Variants in PDE1C observed in about 807,000 individuals in gnomAD.
The protein encoded by PDE1C is dual specificity calcium/calmodulin-dependent 3',5'-cyclic nucleotide phosphodiesterase 1C.
In PDE1C, 62 loss-of-function variants were observed where a neutral mutation model predicts 93.1. The ratio of observed to expected loss-of-function variants is 0.67; its 90% confidence interval spans 0.54 to 0.82. The LOEUF is 0.82. PDE1C is among the 40% of genes least tolerant of loss of function. The pLI, the probability that PDE1C is intolerant of heterozygous loss-of-function variation, is 0.00. For missense variants in PDE1C, 742 were observed against 884.6 expected, an observed-to-expected ratio of 0.84 and a Z score of 2.04; for synonymous variants, 325 against 310.1, an observed-to-expected ratio of 1.05 and a Z score of -0.50.
intron 12 of PDE1C, among the ~76,000 whole-genome samples, chr7:31,827,703 A>ACTTAGATAGGGC (rs1251209880): frequency 6.6e-6 from 1 of 152,108 alleles, no homozygotes; most frequent in Non-Finnish European, 1.5e-5. Flanking sequence ...ACAACATTTA[A>ACTTAGATAGGGC]CTTAGATAGG....
intron 16 of PDE1C, chr7:31,788,052 T>C (rs1416690764): frequency 6.6e-6 from 1 of 152,236 alleles, no homozygotes; most frequent in Non-Finnish European, 1.5e-5. Context: ...TTCTATTCTT[T>C]TTCAGCTGAT....
intron 2 of PDE1C, among the ~76,000 whole-genome samples, chr7:31,944,316 G>T (rs73308694): frequency 0.13 from 20,383 of 152,148 alleles, 2,834 homozygotes; most frequent in African/African-American, 0.36. Context: ...TTGAACACCC[G>T]CAATCCTGAG....
At chr7:31,958,148 TG>T (rs1808417235) in intron 2 of PDE1C, among the ~76,000 whole-genome samples, 1 of 152,228 alleles carries the variant, frequency 6.6e-6, no homozygotes, top group Non-Finnish European at 1.5e-5. Flanking sequence ...CTTTCATTCA[TG>T]CTAGTGCCAA....
Position 31,753,345 on chromosome 7 carries a change from G to C in PDE1C, c.*39C>G, listed in dbSNP as rs1250670851. On this transcript the variant is annotated 3_prime_UTR_variant, in exon 18 of 18. Transcript: ENST00000396191. ...GCCAGTGGGTGCTGAGAAGCAGATA[G>C]GTAGACCCTCCTTCACTCCCTCTCT... 1.9e-6 allele frequency: 3 copies of C among 1,592,334 alleles called. No individual in the cohort carries two copies.
In PDE1C at chr7:31,760,480, T is replaced by TGTGC. The variant is rs1228164075; in HGVS notation, c.1961-6928_1961-6927insGCAC. Among the ~76,000 whole-genome samples the TGTGC allele has an allele frequency of 7.9e-5, 12 of 152,278 alleles. No homozygotes were observed. In the East Asian group the frequency reaches 2.1e-3, roughly 27 times the overall value. ...TTTCCCATAGCACTGGCCTTGGTCC[T>TGTGC]TTCAATCCACTGTGACTTCAGTGTG... On this transcript the variant is annotated intron_variant, in intron 17 of 17. Transcript: ENST00000396191.
At chr7:31,733,751 C>G in the PDE1C span, among the ~76,000 whole-genome samples, 11 of 152,238 alleles carry the variant, frequency 7.2e-5, no homozygotes, top group East Asian at 2.1e-3. Flanking sequence ...TCCCAGCACT[C>G]TGGGAGGCTG....
At chr7:31,806,186 C>T (rs1490913809) in intron 16 of PDE1C, among the ~76,000 whole-genome samples, 1 of 151,896 alleles carries the variant, frequency 6.6e-6, no homozygotes, top group Non-Finnish European at 1.5e-5. Flanking sequence ...CACGCAGGGC[C>T]TAATCATAAT....
intron 2 of PDE1C, among the ~76,000 whole-genome samples, chr7:31,927,613 C>T (rs1803574861): frequency 6.6e-6 from 1 of 152,226 alleles, no homozygotes; most frequent in South Asian, 2.1e-4. Flanking sequence ...AGGCAGCAAT[C>T]TTTGCTTTTC....
rs770252563 is a variant in PDE1C at position 32,298,672 on chromosome 7, CGATGCT to C, written c.58_63del (p.Ser20_Ile21del). The C allele has an allele frequency of 1.9e-6, 3 of 1,607,614 alleles. No homozygotes were observed. The South Asian group carries it at 3.3e-5, about 18-fold the overall frequency. On this transcript the variant is annotated inframe_deletion, in exon 1 of 19. Transcript: ENST00000396193. ...TCACCTATGGTGAAGCTGTAGCCATCGATGCTGAAAGTGGCGCTCCGGCATTTTTTG... is the reference window on the plus strand; with the variant it reads ...TCACCTATGGTGAAGCTGTAGCCATCGAAAGTGGCGCTCCGGCATTTTTTG...
chr7:32,208,068 G>A (rs1468220181), intron 2 of PDE1C, among the ~76,000 whole-genome samples: 1 of 152,212 alleles, frequency 6.6e-6, no homozygotes, highest in African/African-American at 2.4e-5. Context: ...AGGTAGGAGG[G>A]CAGTGAGGAA....
rs551674431 is a variant in PDE1C, at chr7:31,888,149, C to G, written c.129-7289G>C. Among the ~76,000 whole-genome samples the G allele has an allele frequency of 4.5e-3, 644 of 143,166 alleles. 5 individuals are homozygous for G. Among genetic ancestry groups the G allele is most frequent in the African/African-American group, 0.016 (615 of 38,276 alleles). 93.9% of individuals were successfully genotyped at this position (143,166 alleles called of 152,430 possible). A position where few individuals can be genotyped will look rare whatever the true frequency, so the allele number is the denominator to read the frequency against. On this transcript the variant is annotated intron_variant, in intron 2 of 17. Transcript: ENST00000396191. ...CCTGTAGTCCCAGCTACTTGGGAGG[C>G]TGAGGTAGGAGAATGGTGTGAACCT...
chr7:32,122,402 C>A (rs1234592722), intron 3 of PDE1C, among the ~76,000 whole-genome samples: 8 of 152,208 alleles, frequency 5.3e-5, no homozygotes, highest in African/African-American at 1.9e-4. Flanking sequence ...CACCCCAAAT[C>A]AACAGAATAT....
At chr7:31,738,162 A>G in the PDE1C span, among the ~76,000 whole-genome samples, 5 of 152,268 alleles carry the variant, frequency 3.3e-5, no homozygotes, top group African/African-American at 7.2e-5. Flanking sequence ...GGAAGAGTCG[A>G]GGGTGAGGTG....
intron 2 of PDE1C, among the ~76,000 whole-genome samples, chr7:31,978,968 G>A (rs1812030941): frequency 6.6e-6 from 1 of 151,922 alleles, no homozygotes; most frequent in African/African-American, 2.4e-5. Context: ...ATATGTGTTG[G>A]TCTCCAAATG....
intron 9 of PDE1C, among the ~76,000 whole-genome samples, chr7:31,843,241 T>C (rs1157906968): frequency 6.6e-6 from 1 of 152,092 alleles, no homozygotes; most frequent in Admixed American, 6.6e-5. Flanking sequence ...TCAAATCCTC[T>C]TAGGTCCTTA....
At chr7:31,910,481 C>G (rs976692528) in intron 2 of PDE1C, among the ~76,000 whole-genome samples, 1 of 152,214 alleles carries the variant, frequency 6.6e-6, no homozygotes, top group Non-Finnish European at 1.5e-5. Flanking sequence ...GTGACAGGCA[C>G]TATCTACTTG....
chr7:32,275,962 T>C (rs1249554139), intron 1 of PDE1C, among the ~76,000 whole-genome samples: 3 of 152,236 alleles, frequency 2.0e-5, no homozygotes, highest in African/African-American at 7.2e-5. Flanking sequence ...GATACCAGCT[T>C]ATCGAGTTGG....
rs368045790 is a variant in PDE1C at position 32,407,912 on chromosome 7, C to T, written c.310+19910G>A. ...TAGTGTGGACCTCAAACCCAAGCAG[C>T]AGCAGACCTGCAGGGATAAAGTCTT... On this transcript the variant is annotated intron_variant, in intron 1 of 1. Transcript: ENST00000672256. Among the ~76,000 whole-genome samples, 106 of 152,200 alleles carry T rather than the reference C, an allele frequency of 7.0e-4. 1 individual carries two copies. The highest frequency in any genetic ancestry group is 2.4e-3 in the African/African-American group (99 of 41,526).
chr7:31,771,917 G>C (rs1016904638), intron 17 of PDE1C, among the ~76,000 whole-genome samples: 6 of 151,940 alleles, frequency 3.9e-5, no homozygotes, highest in Non-Finnish European at 8.8e-5. Flanking sequence ...GTGGTGGTGG[G>C]TGCCTGTAGT....
Sources: gnomAD v4.1 joint callset for allele counts (sites outside exome capture counted in the v4.1 genomes callset) on GRCh38, gnomAD v4.1.1 for gene constraint, MANE v1.5 for transcripts, NCBI Gene and HGNC (gene_info 2026-07-23, HGNC 2026-07-21) for gene names.